ACSS1: variants seen among roughly 807,000 people sequenced by gnomAD.
The protein encoded by ACSS1 is acetyl-coenzyme A synthetase 2-like, mitochondrial.
Under a neutral mutation model 75.3 loss-of-function variants are expected in ACSS1, and 42 were observed. The ratio of observed to expected loss-of-function variants is 0.56; its 90% CI spans 0.44 to 0.72. The LOEUF (loss-of-function observed/expected upper bound fraction) is 0.72. Ranked by LOEUF, ACSS1 falls within the 30% of genes least tolerant of loss-of-function variation. The pLI is 0.00. For missense variants in ACSS1, 782 were observed against 935.7 expected (o/e 0.84, Z 2.14); for synonymous variants, 380 against 376.8 (o/e 1.01, Z -0.10).
chr20:25,055,910 G>A (rs1481628738), intron 1 of ACSS1, among the ~76,000 whole-genome samples: 1 of 152,154 alleles, frequency 6.6e-6, no homozygotes, highest in Non-Finnish European at 1.5e-5. Context: ...TCTATGGTTT[G>A]CAGACACCGG....
chr20:25,027,378 T>C (rs2122666360), intron 3 of ACSS1, among the ~76,000 whole-genome samples: 1 of 152,284 alleles, frequency 6.6e-6, no homozygotes, highest in South Asian at 2.1e-4. Context: ...TAAACAATGA[T>C]ACAAAACTCT....
At chr20:25,050,369 C>T (rs2089158746) in intron 1 of ACSS1, among the ~76,000 whole-genome samples, 1 of 152,020 alleles carries the variant, frequency 6.6e-6, no homozygotes, top group South Asian at 2.1e-4. Flanking sequence ...AGCTGAGGAT[C>T]GACACTGTCT....
chr20:25,006,572 A>C lies in ACSS1; in HGVS notation c.*1190T>G. ...GCACTGCCACAAGGCCCTGAAGGGT[A>C]GACTGTGGGGCAAAGAGGACAAACT... On this transcript the variant is annotated 3_prime_UTR_variant, in exon 14 of 14. Coordinates refer to ENST00000323482, the MANE Select transcript of ACSS1 (RefSeq NM_032501.4). The C allele has an allele frequency of 2.5e-6, 1 of 401,716 alleles. No homozygotes were observed. 24.9% of individuals were successfully genotyped at this position (401,716 alleles called of 1,614,324 possible).
chr20:25,035,057 G>A (rs1480330295), intron 2 of ACSS1, among the ~76,000 whole-genome samples: 2 of 151,266 alleles, frequency 1.3e-5, no homozygotes. Flanking sequence ...ACCACGCCTG[G>A]CTAATTTTTT....
chr20:25,032,115 C>T (rs2088834684), intron 2 of ACSS1, among the ~76,000 whole-genome samples: 1 of 152,182 alleles, frequency 6.6e-6, no homozygotes, highest in Non-Finnish European at 1.5e-5. Flanking sequence ...AAGCACTGGG[C>T]ACAAGGTGGG....
intron 1 of ACSS1, among the ~76,000 whole-genome samples, chr20:25,054,816 G>A (rs1288136802): frequency 3.3e-5 from 5 of 152,208 alleles, no homozygotes; most frequent in African/African-American, 1.2e-4. Flanking sequence ...ACACAAAAAT[G>A]GAGTCACTCT....
Position 25,012,617 on chromosome 20 carries a change from G to A in ACSS1, c.1755C>T (p.His585=), listed in dbSNP as rs369374480. The A allele has an allele frequency of 5.3e-5, 85 of 1,614,096 alleles. No individual in the cohort carries two copies. Among genetic ancestry groups the A allele is most frequent in the Admixed American group, 1.0e-4 (6 of 60,016 alleles). ...VPESAVIGYP[H]DIKGEAAFAF... ...GACACTCACCTTCTCCTTTGATGTC[G>A]TGGGGGTAGCCAATGACAGCACTTT... Residue 585 remains histidine (H), a synonymous_variant, in exon 12 of 14, where the codon CAC becomes CAT. Transcript: ENST00000323482.
At chr20:25,028,649 A>T (rs2088770202) in intron 3 of ACSS1, among the ~76,000 whole-genome samples, 1 of 152,206 alleles carries the variant, frequency 6.6e-6, no homozygotes, top group African/African-American at 2.4e-5. Context: ...AAAAGGTAAA[A>T]CTTAAATTCT....
intron 5 of ACSS1, among the ~76,000 whole-genome samples, chr20:25,021,942 G>A (rs563775120): frequency 7.5e-4 from 114 of 152,288 alleles, no homozygotes; most frequent in Admixed American, 1.6e-3. Context: ...AAACACAGAG[G>A]CAGAGGGACA....
chr20:25,022,557 C>G (rs550387545), intron 5 of ACSS1, among the ~76,000 whole-genome samples: 1 of 152,334 alleles, frequency 6.6e-6, no homozygotes, highest in African/African-American at 2.4e-5. Flanking sequence ...TTCTGAGAAA[C>G]CGGTGGCCTT....
At chr20:25,044,323 G>C (rs2089051246) in intron 2 of ACSS1, among the ~76,000 whole-genome samples, 1 of 152,172 alleles carries the variant, frequency 6.6e-6, no homozygotes, top group Admixed American at 6.5e-5. Context: ...CAGTGTGAAG[G>C]ACAGTCTTCT....
chr20:25,036,972 GAAGAAAGAAAGAAAAAGAAAGA>G (rs2088918230), intron 2 of ACSS1, among the ~76,000 whole-genome samples: 8 of 121,748 alleles, frequency 6.6e-5, no homozygotes, highest in African/African-American at 2.2e-4. Context: ...AAAAGAAGAA[GAAGAAAGAAAGAAAAAGAAAGA>G]AAGAAGAAAG....
chr20:25,036,278 G>A (rs957532523), intron 2 of ACSS1, among the ~76,000 whole-genome samples: 5 of 152,124 alleles, frequency 3.3e-5, no homozygotes, highest in Non-Finnish European at 5.9e-5. Context: ...CTAGGAAAAC[G>A]CTGACTGGCC....
At chr20:25,028,910 A>C (rs2088775123) in intron 3 of ACSS1, among the ~76,000 whole-genome samples, 1 of 152,104 alleles carries the variant, frequency 6.6e-6, no homozygotes, top group Non-Finnish European at 1.5e-5. Context: ...CAGAGCGAGA[A>C]TCCATCTCAA....
At chr20:25,022,084 C>T (rs930858498) in intron 5 of ACSS1, among the ~76,000 whole-genome samples, 10 of 152,174 alleles carry the variant, frequency 6.6e-5, no homozygotes, top group African/African-American at 1.9e-4. Flanking sequence ...AGGCCGGACA[C>T]GGTGGCTCAC....
intron 4 of ACSS1, among the ~76,000 whole-genome samples, 180 bp from the exon 5 acceptor site, chr20:25,023,272 T>C (rs2088656878): frequency 6.6e-6 from 1 of 152,110 alleles, no homozygotes; most frequent in African/African-American, 2.4e-5. Flanking sequence ...AGCATTTGTG[T>C]TACAGTAAGT....
intron 3 of ACSS1, among the ~76,000 whole-genome samples, chr20:25,028,250 A>G (rs1170207603): frequency 1.3e-5 from 2 of 152,242 alleles, no homozygotes; most frequent in Non-Finnish European, 2.9e-5. Flanking sequence ...GAAATGGAAA[A>G]GCTAATCCTA....
chr20:25,015,582 C>G (rs1165273941), intron 7 of ACSS1, among the ~76,000 whole-genome samples: 1 of 152,202 alleles, frequency 6.6e-6, no homozygotes, highest in Non-Finnish European at 1.5e-5. Flanking sequence ...CAGGTGTGAG[C>G]TGCTGTGCCC....
At position 25,012,998 on chromosome 20, in the gene ACSS1, C is replaced by T. The variant is rs1207130947; in HGVS notation, c.1580-59G>A. Reference sequence around the variant, plus strand: ...CCCTGAGCCAGGACCCATGTCCCAACCTCAGTAAGCGTGAAGCTCTGCAGC... The same window carrying T: ...CCCTGAGCCAGGACCCATGTCCCAATCTCAGTAAGCGTGAAGCTCTGCAGC... On this transcript the variant is annotated intron_variant, in intron 10 of 13. Transcript: ENST00000323482. 3.7e-6 allele frequency: 6 copies of T among 1,610,540 alleles called. No individual in the cohort carries two copies. The African/African-American group carries it at 4.0e-5, about 11-fold the overall frequency.
Sources: gnomAD v4.1 joint callset for allele counts (sites outside exome capture counted in the v4.1 genomes callset) on GRCh38, gnomAD v4.1.1 for gene constraint, MANE v1.5 for transcripts, NCBI Gene and HGNC (gene_info 2026-07-23, HGNC 2026-07-21) for gene names.